The following CSMD1 variants were observed in gnomAD, a reference collection of about 807,000 sequenced individuals.
CSMD1 encodes the protein CUB and Sushi multiple domains 1.
Under a neutral mutation model 417.5 loss-of-function variants are expected in CSMD1, and 213 were observed. The observed-to-expected ratio is 0.51, with a 90% confidence interval of 0.46 to 0.57. CSMD1 has a LOEUF of 0.57. Ranked by LOEUF, CSMD1 falls within the 20% of genes least tolerant of loss-of-function variation. The pLI, the probability that CSMD1 is intolerant of heterozygous loss-of-function variation, is 0.00. For synonymous variants in CSMD1, 2,862 were observed against 1,736.8 expected (o/e 1.65, Z -16.11); for missense variants, 6,923 against 4,529.7 (o/e 1.53, Z -15.17).
At chr8:4,754,795 G>C (rs1337495165) in intron 1 of CSMD1, among the ~76,000 whole-genome samples, 1 of 152,110 alleles carries the variant, frequency 6.6e-6, no homozygotes, top group African/African-American at 2.4e-5. Context: ...GTTGCAGTGA[G>C]CCGAGATCGC....
At chr8:4,114,454 G>C (rs777695170) in intron 3 of CSMD1, among the ~76,000 whole-genome samples, 5 of 152,194 alleles carry the variant, frequency 3.3e-5, no homozygotes, top group Non-Finnish European at 5.9e-5. Flanking sequence ...AGCTTGGACA[G>C]AGATGCTTAA....
intron 3 of CSMD1, among the ~76,000 whole-genome samples, chr8:4,074,496 G>C (rs555500988): frequency 1.3e-5 from 2 of 152,096 alleles, no homozygotes; most frequent in East Asian, 1.9e-4. Flanking sequence ...AAAATCTAAA[G>C]TTTGATACTT....
chr8:4,554,274 C>T (rs925326442), intron 2 of CSMD1, among the ~76,000 whole-genome samples: 1 of 152,034 alleles, frequency 6.6e-6, no homozygotes, highest in African/African-American at 2.4e-5. Flanking sequence ...GTAGCTGAGA[C>T]TACAGGCATG....
chr8:3,900,621 G>A (rs564270231), intron 5 of CSMD1, among the ~76,000 whole-genome samples: 2 of 151,902 alleles, frequency 1.3e-5, no homozygotes, highest in Non-Finnish European at 2.9e-5. Flanking sequence ...GTGACACTAA[G>A]TTGGGTAACA....
intron 18 of CSMD1, chr8:3,373,824 G>A (rs534419369): frequency 6.6e-6 from 1 of 152,230 alleles, no homozygotes; most frequent in African/African-American, 2.4e-5. Context: ...CCAACACCAA[G>A]GATGCAGGTA....
intron 5 of CSMD1, among the ~76,000 whole-genome samples, chr8:3,943,516 T>C (rs924473210): frequency 1.4e-5 from 2 of 147,586 alleles, no homozygotes; most frequent in African/African-American, 2.5e-5. Flanking sequence ...TTATTGAAAA[T>C]GGAATCTGTA....
At chr8:3,249,219 G>T (rs1478140982) in intron 26 of CSMD1, among the ~76,000 whole-genome samples, 1 of 152,034 alleles carries the variant, frequency 6.6e-6, no homozygotes, top group East Asian at 1.9e-4. Flanking sequence ...TCTTTTTGTT[G>T]CTGCTGCTGC....
At chr8:4,334,654 G>A (rs767129178) in intron 3 of CSMD1, among the ~76,000 whole-genome samples, 1 of 152,032 alleles carries the variant, frequency 6.6e-6, no homozygotes, top group Non-Finnish European at 1.5e-5. Context: ...TACCTTCTAT[G>A]GTTAGAGAAG....
At chr8:3,346,286 C>T (rs1173071767) in intron 22 of CSMD1, among the ~76,000 whole-genome samples, 1 of 152,136 alleles carries the variant, frequency 6.6e-6, no homozygotes, top group Non-Finnish European at 1.5e-5. Context: ...CCTTCCATTG[C>T]AATAATATTT....
At chr8:4,586,364 G>A (rs969081486) in intron 2 of CSMD1, among the ~76,000 whole-genome samples, 2 of 152,150 alleles carry the variant, frequency 1.3e-5, no homozygotes, top group African/African-American at 4.8e-5. Flanking sequence ...CTCTCACAGA[G>A]TGTTGATTTT....
At chr8:3,467,209 C>G (rs561195054) in intron 12 of CSMD1, among the ~76,000 whole-genome samples, 2 of 152,170 alleles carry the variant, frequency 1.3e-5, no homozygotes, top group African/African-American at 4.8e-5. Context: ...TCTTCATAGT[C>G]AAGGATGCAG....
At chr8:4,587,621 T>C (rs1799772921) in intron 2 of CSMD1, among the ~76,000 whole-genome samples, 1 of 152,170 alleles carries the variant, frequency 6.6e-6, no homozygotes, top group Non-Finnish European at 1.5e-5. Context: ...ATAATTGTAC[T>C]CAGACTCATG....
intron 7 of CSMD1, among the ~76,000 whole-genome samples, chr8:3,701,055 G>C (rs542386515): frequency 5.2e-4 from 79 of 151,934 alleles, no homozygotes; most frequent in Non-Finnish European, 9.9e-4. Flanking sequence ...CTCACCAAGA[G>C]GCCGGAGAGA....
intron 3 of CSMD1, among the ~76,000 whole-genome samples, chr8:4,295,203 CTTAAGA>C (rs1452479149): frequency 5.5e-5 from 4 of 72,100 alleles, no homozygotes; most frequent in African/African-American, 1.9e-4. Flanking sequence ...CACATATAAT[CTTAAGA>C]TTTTCTATAT....
At chr8:4,395,621 A>T (rs912864019) in intron 3 of CSMD1, among the ~76,000 whole-genome samples, 1 of 152,112 alleles carries the variant, frequency 6.6e-6, no homozygotes, top group African/African-American at 2.4e-5. Flanking sequence ...TATTGCCCCC[A>T]TTATACTAAT....
intron 1 of CSMD1, among the ~76,000 whole-genome samples, chr8:4,952,320 TG>T (rs1216566089): frequency 7.0e-6 from 1 of 142,172 alleles, no homozygotes; most frequent in African/African-American, 2.6e-5. Flanking sequence ...CAACGCTTTT[TG>T]GGAATGAAAA....
At chr8:3,764,197 T>G (rs764150733) in intron 5 of CSMD1, among the ~76,000 whole-genome samples, 2 of 152,162 alleles carry the variant, frequency 1.3e-5, no homozygotes, top group Non-Finnish European at 2.9e-5. Flanking sequence ...CCGTACGCAT[T>G]AGGTCACTAA....
chr8:4,949,136 A>C (rs1808565138), intron 1 of CSMD1, among the ~76,000 whole-genome samples: 1 of 152,088 alleles, frequency 6.6e-6, no homozygotes, highest in Admixed American at 6.6e-5. Flanking sequence ...TTCTGATGTT[A>C]AACTGCCTTT....
intron 3 of CSMD1, among the ~76,000 whole-genome samples, chr8:4,226,855 C>G (rs897108391): frequency 6.6e-6 from 1 of 152,172 alleles, no homozygotes; most frequent in African/African-American, 2.4e-5. Context: ...TAGTCTCCCC[C>G]TGTCTTTAGT....
Sources: gnomAD v4.1 joint callset for allele counts (sites outside exome capture counted in the v4.1 genomes callset) on GRCh38, gnomAD v4.1.1 for gene constraint, MANE v1.5 for transcripts, NCBI Gene and HGNC (gene_info 2026-07-23, HGNC 2026-07-21) for gene names.